JUP: variants seen among roughly 807,000 people sequenced by gnomAD.
The protein encoded by JUP is junction plakoglobin.
Under a neutral mutation model 71.1 loss-of-function variants are expected in JUP, and 28 were observed. The observed-to-expected ratio is 0.39, with a 90% CI of 0.29 to 0.54. The LOEUF (loss-of-function observed/expected upper bound fraction) is 0.54. Among genes scored for constraint, JUP ranks in the 20% least tolerant of loss-of-function variants. The probability of loss-of-function intolerance (pLI) is 0.62; values close to 1 mark genes in which losing one functional copy is unlikely to be tolerated. For synonymous variants in JUP, 401 were observed against 438.9 expected, an observed-to-expected ratio of 0.91 and a Z score of 1.08; for missense variants, 869 against 1,030.1, an observed-to-expected ratio of 0.84 and a Z score of 2.14.
rs370003514 is a variant in JUP, at chr17:41,769,472, C to T, written c.414G>A (p.Glu138=). 5.6e-6 allele frequency: 9 copies of T among 1,612,958 alleles called. No individual in the cohort carries two copies. Among genetic ancestry groups the T allele is most frequent in the Non-Finnish European group, 5.9e-6 (7 of 1,179,700 alleles). ...VHLINYQDDA[E]LATRALPELT... Reference sequence around the variant, plus strand: ...GCTCGGGCAGGGCGCGAGTGGCCAGCTCGGCATCGTCCTGGTAGTTGATGA... The same window carrying T: ...GCTCGGGCAGGGCGCGAGTGGCCAGTTCGGCATCGTCCTGGTAGTTGATGA... Residue 138 remains glutamate (E), a synonymous_variant, in exon 3 of 14, where the codon GAG becomes GAA. Coordinates refer to ENST00000393931, the MANE Select transcript of JUP (RefSeq NM_002230.4).
In JUP at chr17:41,763,394, G is replaced by A. The variant is rs1226199881; in HGVS notation, c.1159-73C>T. On this transcript the variant is annotated intron_variant, in intron 7 of 13. Transcript: ENST00000393931. ...GGGAGCCTTCTCGAATATGTCCAAG[G>A]GGAGTGGGATGACCTAAAGGGGTCA... 7 of 1,173,140 alleles carry A rather than the reference G, an allele frequency of 6.0e-6. No individual in the cohort carries two copies. The South Asian group carries it at 8.9e-5, about 15-fold the overall frequency. 72.7% of individuals were successfully genotyped at this position (1,173,140 alleles called of 1,614,324 possible).
Position 41,755,828 on chromosome 17 carries a change from C to T in JUP, c.2154G>A (p.Met718Ile). 1 of 1,613,512 alleles carries T rather than the reference C, an allele frequency of 6.2e-7. No individual in the cohort carries two copies. The highest frequency in any genetic ancestry group is 8.5e-7 in the Non-Finnish European group (1 of 1,179,802). ...CGATGGGGTAGTCTCCATCCATGTC[C>T]ATGTGCATCTCCAGCGGGTCAAGGG... The part of the protein sequence containing the change: ...DVPLDPLEMH[M>I]DMDGDYPIDT... Residue 718 changes from methionine (M) to isoleucine (I), a missense_variant, in exon 14 of 14, where the codon ATG becomes ATA. By Grantham distance (10) the Met-to-Ile change is conservative (BLOSUM62 1). Transcript: ENST00000393931.
Position 41,769,116 on chromosome 17 carries a change from GCCA to G in JUP, c.557_559del (p.Val186del). On this transcript the variant is annotated inframe_deletion, in exon 4 of 14. Transcript: ENST00000393931. ...ATTCTGCATGGTACGCACGACAGCG[GCCA>G]CCAGCTGGGGCGAGCCCATCAGGGC... 6.2e-7 allele frequency: 1 copy of G among 1,611,388 alleles called. No homozygotes were observed. The highest frequency in any genetic ancestry group is 8.5e-7 in the Non-Finnish European group (1 of 1,179,966).
intron 12 of JUP, among the ~76,000 whole-genome samples, chr17:41,756,726 C>T (rs1555598211): frequency 2.0e-5 from 3 of 152,044 alleles, no homozygotes; most frequent in East Asian, 3.9e-4. Context: ...ATGGCGAAAC[C>T]GCGTCTCTAC....
chr17:41,762,887 G>C (rs1350398269), intron 8 of JUP, 96 bp downstream of exon 8: 1 of 969,300 alleles, frequency 1.0e-6, no homozygotes, highest in Non-Finnish European at 1.6e-6. Flanking sequence ...TCGAGCCACT[G>C]TATTTAGGGC....
intron 7 of JUP, among the ~76,000 whole-genome samples, chr17:41,763,694 C>T (rs1028397326): frequency 6.6e-6 from 1 of 152,072 alleles, no homozygotes; most frequent in Non-Finnish European, 1.5e-5. Flanking sequence ...GCCTCGAGAC[C>T]AGGAGGCAAT....
chr17:41,782,064 G>A (rs934943708), intron 1 of JUP, among the ~76,000 whole-genome samples: 10 of 152,172 alleles, frequency 6.6e-5, no homozygotes, highest in African/African-American at 1.9e-4. Flanking sequence ...CCAGAAGCGC[G>A]GTAGTGACAG....
Position 41,758,775 on chromosome 17 carries a change from C to T in JUP, c.1593G>A (p.Leu531=). 1 of 1,610,872 alleles carries T rather than the reference C, an allele frequency of 6.2e-7. No individual in the cohort carries two copies. ...AAVIPRLVQL[L]VKAHQDAQRH... Reference sequence around the variant, plus strand: ...GCTGGGCATCCTGGTGGGCCTTCACCAGCAGTTGGACGAGGCGGGGGATGA... The same window carrying T: ...GCTGGGCATCCTGGTGGGCCTTCACTAGCAGTTGGACGAGGCGGGGGATGA... Residue 531 remains leucine, a synonymous_variant, in exon 9 of 14, where the codon CTG becomes CTA. Coordinates refer to ENST00000393931, the MANE Select transcript of JUP (RefSeq NM_002230.4).
chr17:41,756,322 G>T, intron 12 of JUP, 108 bp from the exon 13 acceptor site: 1 of 1,131,976 alleles, frequency 8.8e-7, no homozygotes, highest in South Asian at 1.3e-5. Flanking sequence ...GGGCCAGGCT[G>T]GGTGCCATGG....
At chr17:41,759,484 C>CA (rs1271841099) in intron 8 of JUP, among the ~76,000 whole-genome samples, 1 of 151,568 alleles carries the variant, frequency 6.6e-6, no homozygotes, top group Non-Finnish European at 1.5e-5. Flanking sequence ...AACCACCCCC[C>CA]ACAGACACCA....
chr17:41,759,072 C>CTTTTT (rs11404112), intron 8 of JUP, among the ~76,000 whole-genome samples: 1 of 131,104 alleles, frequency 7.6e-6, no homozygotes, highest in Non-Finnish European at 1.6e-5. Flanking sequence ...ATGGCTAATT[C>CTTTTT]TTTTTTTTTT....
At chr17:41,785,573 G>A (rs782265936) in intron 1 of JUP, among the ~76,000 whole-genome samples, 19 of 152,354 alleles carry the variant, frequency 1.2e-4, no homozygotes, top group South Asian at 4.1e-4. Flanking sequence ...CCGGCTGGGG[G>A]AAGGGGTTTT....
chr17:41,781,550 C>A (rs1052526784), intron 1 of JUP, among the ~76,000 whole-genome samples: 1 of 152,222 alleles, frequency 6.6e-6, no homozygotes, highest in Non-Finnish European at 1.5e-5. Context: ...CAGGAGAGGC[C>A]GCTCAGTGTC....
At chr17:41,772,043 G>A in intron 1 of JUP, 181 bp from the exon 2 acceptor site, 1 of 678,734 alleles carries the variant, frequency 1.5e-6, no homozygotes. Context: ...GGGAGGGGCT[G>A]CCCACGACGA....
At chr17:41,765,383 GCT>G (rs1915557297) in intron 5 of JUP, among the ~76,000 whole-genome samples, 1 of 148,556 alleles carries the variant, frequency 6.7e-6, no homozygotes, top group South Asian at 2.1e-4. Context: ...ATAGAGTCTC[GCT>G]CTGTCACCCA....
At position 41,784,276 on chromosome 17, in the gene JUP, C is replaced by G. The variant is rs114709948; in HGVS notation, c.-9+2312G>C. 4.1e-3 allele frequency among the ~76,000 whole-genome samples: 626 copies of G among 152,164 alleles called. 5 individuals are homozygous for G. The highest frequency in any genetic ancestry group is 0.014 in the African/African-American group (597 of 41,510). On this transcript the variant is annotated intron_variant, in intron 1 of 13. Coordinates refer to ENST00000393931, the MANE Select transcript of JUP (RefSeq NM_002230.4). Reference sequence around the variant, plus strand: ...GGCCCTGGCAGCCCAAACAGAGGCTCCAGAGGGAATGGGGTGGAGCCAGGG... The same window carrying G: ...GGCCCTGGCAGCCCAAACAGAGGCTGCAGAGGGAATGGGGTGGAGCCAGGG...
intron 13 of JUP, 87 bp downstream of exon 13, chr17:41,756,088 C>T (rs1913679922): frequency 1.1e-5 from 15 of 1,415,186 alleles, no homozygotes; most frequent in Non-Finnish European, 1.5e-5. Context: ...GGTCCTCTGG[C>T]CCCGGAGACA....
chr17:41,783,226 ATTAC>A (rs1293169377), intron 1 of JUP, among the ~76,000 whole-genome samples: 2 of 151,640 alleles, frequency 1.3e-5, no homozygotes, highest in Admixed American at 6.6e-5. Context: ...CATTGGGGAA[ATTAC>A]TTAAGTTCCT....
rs957902571 is a variant in JUP at position 41,755,162 on chromosome 17, T to C, written c.*582A>G. ...GCTGGAGACAGGGAGGCTGGAGGTT[T>C]GGAGGGGCGTTGCTGGGGGAAAACA... On this transcript the variant is annotated 3_prime_UTR_variant, in exon 14 of 14. Transcript: ENST00000393931. The C allele has an allele frequency of 1.0e-5, 4 of 397,814 alleles. No individual in the cohort carries two copies. In the Admixed American group the frequency reaches 1.8e-4, roughly 18 times the overall value. 24.6% of individuals were successfully genotyped at this position (397,814 alleles called of 1,614,324 possible). A position where few individuals can be genotyped will look rare whatever the true frequency, so the allele number is the denominator to read the frequency against.
Sources: gnomAD v4.1 joint callset for allele counts (sites outside exome capture counted in the v4.1 genomes callset) on GRCh38, gnomAD v4.1.1 for gene constraint, MANE v1.5 for transcripts, NCBI Gene and HGNC (gene_info 2026-07-23, HGNC 2026-07-21) for gene names.